The following MYH3 variants were observed in gnomAD, a reference collection of about 807,000 sequenced individuals.
The protein encoded by MYH3 is myosin-3.
A neutral mutation model predicts 238.0 loss-of-function variants in MYH3; 130 were observed. The ratio of observed to expected loss-of-function variants is 0.55; its 90% confidence interval spans 0.47 to 0.63. The LOEUF (loss-of-function observed/expected upper bound fraction) is 0.63. MYH3 is among the 30% of genes least tolerant of loss of function. MYH3 has a pLI of 0.00. For missense variants in MYH3, 1,853 were observed against 2,374.9 expected, an observed-to-expected ratio of 0.78 and a Z score of 4.57; for synonymous variants, 880 against 924.1, an observed-to-expected ratio of 0.95 and a Z score of 0.86.
chr17:10,631,699 G>T lies in MYH3; in HGVS notation c.5198C>A (p.Thr1733Lys), dbSNP rs539740208. ...CTCACTCTGGAGCTGCATGAGGTCTGTCTCCAGCTTCTTCTTGGTGTGGAT... is the reference window on the plus strand; with the variant it reads ...CTCACTCTGGAGCTGCATGAGGTCTTTCTCCAGCTTCTTCTTGGTGTGGAT... ...SLIHTKKKLE[T>K]DLMQLQSEVE... The change falls in exon 36 of 41, where the codon ACA becomes AAA. Residue 1733 changes from threonine to lysine, a missense_variant. Thr to Lys is a moderately conservative substitution (Grantham distance 78, BLOSUM62 -1). Coordinates refer to ENST00000583535, the MANE Select transcript of MYH3 (RefSeq NM_002470.4). The T allele has an allele frequency of 2.3e-5, 37 of 1,614,188 alleles. No individual in the cohort carries two copies. In the South Asian group the frequency reaches 3.8e-4, roughly 17 times the overall value.
rs546075871 is a variant in MYH3 at position 10,631,865 on chromosome 17, G to A, written c.5108C>T (p.Ala1703Val). Residue 1703 changes from alanine to valine, a missense_variant, in exon 35 of 41, where the codon GCG becomes GTG. By Grantham distance (64) the Ala-to-Val change is moderately conservative. Around this residue, in one of 3 missense-constraint regions of MYH3, gnomAD observed 1,044 missense variants for 1,192.6 expected, o/e 0.88. Transcript: ENST00000583535. The stretch of plus-strand genomic sequence containing the variant: ...GTTGGAGTCCAGGAGCTCCTGTTCC[G>A]CCAGTTTCCGGGCCCTCTCCGTCTG... Reference protein sequence around the residue: ...LEQTERARKLAEQELLDSNER... With the variant: ...LEQTERARKLVEQELLDSNER... 1.0e-4 allele frequency: 163 copies of A among 1,614,092 alleles called. No individual in the cohort carries two copies. In the South Asian group the frequency reaches 1.0e-3, roughly 10 times the overall value.
intron 32 of MYH3, 72 bp downstream of exon 32, chr17:10,633,945 C>T: frequency 6.3e-7 from 1 of 1,580,958 alleles, no homozygotes; most frequent in Non-Finnish European, 8.6e-7. Flanking sequence ...GATGAAGCCA[C>T]ACCCACGCCA....
upstream of MYH3, chr17:10,657,360 G>A (rs1040455776): frequency 2.6e-5 from 4 of 152,180 alleles, no homozygotes; most frequent in Admixed American, 6.5e-5. Flanking sequence ...TAACCCCCGC[G>A]GCTCATTCCT....
chr17:10,654,786 G>A lies in MYH3; in HGVS notation c.204+75C>T. The A allele has an allele frequency of 7.3e-7, 1 of 1,361,528 alleles. No homozygotes were observed. The highest frequency in any genetic ancestry group is 1.1e-6 in the Non-Finnish European group (1 of 949,410). The allele number at this position is 1,361,528 out of a possible 1,614,324, so 84.3% of individuals were successfully genotyped here. Reference sequence around the variant, plus strand: ...ACCACATCTGGAAGTGGCTGGGGTTGGGCAGATGCATACCCCAGGCAAGCA... The same window carrying A: ...ACCACATCTGGAAGTGGCTGGGGTTAGGCAGATGCATACCCCAGGCAAGCA... On this transcript the variant is annotated intron_variant, in intron 3 of 40. Coordinates refer to ENST00000583535, the MANE Select transcript of MYH3 (RefSeq NM_002470.4). The surrounding 1 kb of genome is among the most constrained non-coding windows in gnomAD (Gnocchi z 4.5).
Position 10,634,883 on chromosome 17 carries a change from G to A in MYH3, c.4313C>T (p.Ser1438Phe), listed in dbSNP as rs1447420349. Reference sequence around the variant, plus strand: ...CTTCTTGTCCAGAGCGGCGGCCAAGGAATTGGCTCTTTCAACATCAACCAT... The same window carrying A: ...CTTCTTGTCCAGAGCGGCGGCCAAGAAATTGGCTCTTTCAACATCAACCAT... Reference protein sequence around the residue: ...DLMVDVERANSLAAALDKKQR... With the variant: ...DLMVDVERANFLAAALDKKQR... Residue 1438 changes from serine to phenylalanine, a missense_variant, in exon 31 of 41, where the codon TCC becomes TTC. Coordinates refer to ENST00000583535, the MANE Select transcript of MYH3 (RefSeq NM_002470.4). The A allele has an allele frequency of 1.2e-6, 2 of 1,614,108 alleles. No homozygotes were observed. The highest frequency in any genetic ancestry group is 2.2e-5 in the East Asian group (1 of 44,868).
chr17:10,632,987 A>AG (rs2074180266), intron 33 of MYH3, among the ~76,000 whole-genome samples: 1 of 152,188 alleles, frequency 6.6e-6, no homozygotes, highest in South Asian at 2.1e-4. Context: ...CGAGGGGGGC[A>AG]GATCACCTGA....
At chr17:10,655,388 G>A (rs574253687) in intron 2 of MYH3, among the ~76,000 whole-genome samples, 3 of 152,316 alleles carry the variant, frequency 2.0e-5, no homozygotes, top group Admixed American at 6.5e-5. Flanking sequence ...TCTTGGGACC[G>A]CCTTTTCCGC....
chr17:10,648,732 A>G, intron 7 of MYH3, 83 bp from the exon 8 acceptor site: 2 of 1,222,906 alleles, frequency 1.6e-6, no homozygotes, highest in Non-Finnish European at 2.4e-6. Flanking sequence ...CTGCAGTGCA[A>G]TGGCACGATC....
rs2074249900 is a variant in MYH3, at chr17:10,639,662, C to T, written c.2823G>A (p.Lys941=). 1.2e-6 allele frequency: 2 copies of T among 1,614,126 alleles called. No homozygotes were observed. Among genetic ancestry groups the T allele is most frequent in the Non-Finnish European group, 1.7e-6 (2 of 1,180,026 alleles). Residue 941 remains lysine (K), a synonymous_variant, in exon 23 of 41, where the codon AAG becomes AAA. Coordinates refer to ENST00000583535, the MANE Select transcript of MYH3 (RefSeq NM_002470.4). Reference sequence around the variant, plus strand: ...CTGAGCATTCATCCTCCAGTTTCCTCTTCTTGGCCGTCAGCTCAGCATTGA... The same window carrying T: ...CTGAGCATTCATCCTCCAGTTTCCTTTTCTTGGCCGTCAGCTCAGCATTGA... The part of the protein sequence containing the change: ...EEINAELTAK[K]RKLEDECSEL...
In MYH3 at chr17:10,629,642, T is replaced by C. The variant is rs749608195; in HGVS notation, c.5751A>G (p.Gln1917=). Residue 1917 remains glutamine, a synonymous_variant, in exon 40 of 41, where the codon CAA becomes CAG. Coordinates refer to ENST00000583535, the MANE Select transcript of MYH3 (RefSeq NM_002470.4). ...AEERADIAES[Q]VNKLRAKTRD... is the part of the protein sequence containing the mutation. The stretch of plus-strand genomic sequence containing the variant: ...GAGTCTTAGCGCGGAGCTTGTTGAC[T>C]TGAGATTCTGCGATATCCGCACGTT... The C allele has an allele frequency of 1.9e-6, 3 of 1,614,168 alleles. No homozygotes were observed. The South Asian group carries it at 3.3e-5, about 18-fold the overall frequency.
At chr17:10,652,153 C>T (rs1028162243) in intron 4 of MYH3, 1 of 523,362 alleles carries the variant, frequency 1.9e-6, no homozygotes. Flanking sequence ...GACCCTCCCA[C>T]AGTTGGTAAG....
chr17:10,629,991 C>G (rs906814255), intron 38 of MYH3, 54 bp from the exon 39 acceptor site: 6 of 1,605,722 alleles, frequency 3.7e-6, no homozygotes, highest in Non-Finnish European at 5.1e-6. Flanking sequence ...GATTTGCACA[C>G]GGCATGGGCA....
At chr17:10,675,392 A>G in the MYH3 span, 4 of 152,270 alleles carry the variant, frequency 2.6e-5, no homozygotes, top group East Asian at 7.7e-4. Flanking sequence ...TGTCCAATGC[A>G]TTCTCCACAT....
intron 7 of MYH3, among the ~76,000 whole-genome samples, chr17:10,649,050 T>C (rs899410264): frequency 1.3e-5 from 2 of 152,278 alleles, no homozygotes; most frequent in Non-Finnish European, 2.9e-5. Context: ...CTTGCCCTGA[T>C]AAAGCCCCAC....
In MYH3 at chr17:10,633,695, CTG is replaced by C; in HGVS notation, c.4541_4542del (p.Thr1514ArgfsTer5). The C allele has an allele frequency of 6.2e-7, 1 of 1,614,014 alleles. No individual in the cohort carries two copies. Among genetic ancestry groups the C allele is most frequent in the Non-Finnish European group, 8.5e-7 (1 of 1,180,010 alleles). On this transcript the variant is annotated frameshift_variant, in exon 33 of 41. Transcript: ENST00000583535. LOFTEE classifies it high-confidence loss of function. Reference protein sequence around the residue: ...KNLEQEIADLTEQIAENGKTI... With the variant: ...KNLEQEIADLXEQIAENGKTI... ...GTTTTGCCATTTTCAGCAATTTGTTCTGTGAGATCTGCTATCTCCTCTGTAAA... is the reference window on the plus strand; with the variant it reads ...GTTTTGCCATTTTCAGCAATTTGTTCTGAGATCTGCTATCTCCTCTGTAAA...
chr17:10,674,520 G>A, the MYH3 span: 1 of 226,156 alleles, frequency 4.4e-6, no homozygotes, highest in Non-Finnish European at 8.9e-6. Flanking sequence ...GTACCCCAGT[G>A]GTGTGACACT....
intron 34 of MYH3, 150 bp from the exon 35 acceptor site, chr17:10,632,166 A>G: frequency 9.0e-7 from 1 of 1,111,122 alleles, no homozygotes; most frequent in Non-Finnish European, 1.3e-6. Context: ...CTGTCACCCA[A>G]GCTGGTGTGC....
the MYH3 span, among the ~76,000 whole-genome samples, chr17:10,667,454 G>T: frequency 6.6e-6 from 1 of 152,100 alleles, no homozygotes; most frequent in South Asian, 2.1e-4. Context: ...GGCCAAGGCA[G>T]ATGGATCACT....
upstream of MYH3, among the ~76,000 whole-genome samples, chr17:10,660,538 A>G (rs1217838319): frequency 6.6e-6 from 1 of 151,896 alleles, no homozygotes; most frequent in African/African-American, 2.4e-5. Context: ...TTAGCCTGGC[A>G]TGGTGGCAGG....
Sources: gnomAD v4.1 joint callset for allele counts (sites outside exome capture counted in the v4.1 genomes callset) on GRCh38, gnomAD v4.1.1 for gene constraint, gnomAD v4.1.1 regional missense constraint, Gnocchi (gnomAD v3.1) non-coding constraint, MANE v1.5 for transcripts, NCBI Gene and HGNC (gene_info 2026-07-23, HGNC 2026-07-21) for gene names.